TUSC3: variants seen among roughly 807,000 people sequenced by gnomAD.
TUSC3 encodes the protein tumor suppressor candidate 3.
In TUSC3, 45 loss-of-function variants were observed where a neutral mutation model predicts 44.8. That is an observed-to-expected ratio of 1.00 (90% confidence interval 0.79 to 1.29). TUSC3 has a LOEUF of 1.29. Among genes scored for constraint, TUSC3 ranks in the 50% most tolerant of loss-of-function variants. TUSC3 has a pLI of 0.00. For synonymous variants in TUSC3, 212 were observed against 152.9 expected (o/e 1.39, Z -2.85); for missense variants, 519 against 437.9 (o/e 1.19, Z -1.65).
intron 6 of TUSC3, among the ~76,000 whole-genome samples, chr8:15,724,376 T>G (rs1446171153): frequency 6.6e-6 from 1 of 152,116 alleles, no homozygotes; most frequent in African/African-American, 2.4e-5. Flanking sequence ...GATCTGTCAT[T>G]TTATATAGAC....
the TUSC3 span, among the ~76,000 whole-genome samples, chr8:15,813,390 A>AAAC: frequency 0.023 from 250 of 10,772 alleles, 4 homozygotes; most frequent in Middle Eastern, 0.18. Context: ...ACAAACAAAC[A>AAAC]AAAAAAAAAA....
At chr8:15,514,823 C>G (rs2129128576) in intron 2 of TUSC3, among the ~76,000 whole-genome samples, 1 of 152,242 alleles carries the variant, frequency 6.6e-6, no homozygotes, top group East Asian at 1.9e-4. Flanking sequence ...TATGACTCAG[C>G]CACTCGCTAG....
chr8:15,789,468 A>C, the TUSC3 span, among the ~76,000 whole-genome samples: 9 of 152,186 alleles, frequency 5.9e-5, no homozygotes, highest in African/African-American at 2.2e-4. Context: ...GAGACAGCTC[A>C]CAAGATTGAC....
intron 2 of TUSC3, among the ~76,000 whole-genome samples, chr8:15,488,357 C>A (rs1249851289): frequency 6.6e-6 from 1 of 151,694 alleles, no homozygotes; most frequent in African/African-American, 2.4e-5. Context: ...AAATAAATAG[C>A]TGGGTGTAGT....
At chr8:15,704,216 A>G (rs1200871598) in intron 6 of TUSC3, among the ~76,000 whole-genome samples, 3 of 151,398 alleles carry the variant, frequency 2.0e-5, no homozygotes, top group Admixed American at 6.6e-5. Flanking sequence ...AAGATGGAAC[A>G]GCAAGTGCAA....
intron 1 of TUSC3, among the ~76,000 whole-genome samples, chr8:15,445,122 A>G (rs1800076709): frequency 6.6e-6 from 1 of 152,214 alleles, no homozygotes; most frequent in Non-Finnish European, 1.5e-5. Flanking sequence ...AACTGCAAAT[A>G]CATGGGTAGA....
chr8:15,467,653 G>A (rs1037284976), intron 1 of TUSC3, among the ~76,000 whole-genome samples: 3 of 152,060 alleles, frequency 2.0e-5, no homozygotes, highest in Non-Finnish European at 4.4e-5. Context: ...TGTCCATGTG[G>A]CAAACTCCAC....
At chr8:15,844,242 A>G in the TUSC3 span, among the ~76,000 whole-genome samples, 1 of 152,110 alleles carries the variant, frequency 6.6e-6, no homozygotes, top group African/African-American at 2.4e-5. Flanking sequence ...CAGTTAATGG[A>G]GTATGCAGAA....
chr8:15,693,691 C>T (rs1809022202), intron 6 of TUSC3, among the ~76,000 whole-genome samples: 1 of 151,840 alleles, frequency 6.6e-6, no homozygotes, highest in Admixed American at 6.6e-5. Context: ...ATGTTGGCCT[C>T]TCTGGCAAGC....
chr8:15,562,410 T>C (rs1802511193), intron 1 of TUSC3, among the ~76,000 whole-genome samples: 1 of 152,144 alleles, frequency 6.6e-6, no homozygotes, highest in Admixed American at 6.5e-5. Context: ...AGAAATAGGA[T>C]GTAAAGTGTA....
chr8:15,819,369 A>C, the TUSC3 span, among the ~76,000 whole-genome samples: 1 of 123,136 alleles, frequency 8.1e-6, no homozygotes, highest in Non-Finnish European at 1.7e-5. Context: ...CTACTCTTCC[A>C]ATCATCTTGG....
chr8:15,655,197 T>G (rs1397873659), intron 3 of TUSC3, among the ~76,000 whole-genome samples: 1 of 152,120 alleles, frequency 6.6e-6, no homozygotes, highest in African/African-American at 2.4e-5. Flanking sequence ...AAAGGCAGTC[T>G]CCCAGTAAAT....
chr8:15,556,301 A>G (rs540466424), intron 1 of TUSC3, among the ~76,000 whole-genome samples: 16 of 149,214 alleles, frequency 1.1e-4, no homozygotes, highest in African/African-American at 1.7e-4. Context: ...ATGTTTTCCA[A>G]TTTCATCCAT....
rs546440391 is a variant in TUSC3, at chr8:15,509,378, G to A, written n.189+25895G>A. 1.4e-4 allele frequency among the ~76,000 whole-genome samples: 21 copies of A among 152,290 alleles called. No homozygotes were observed. In the South Asian group the frequency reaches 3.9e-3, roughly 29 times the overall value. On this transcript the variant is annotated intron_variant and non_coding_transcript_variant, in intron 2 of 5. Coordinates refer to the TUSC3 transcript ENST00000503191. The stretch of plus-strand genomic sequence containing the variant: ...AATCCGAACGCTTTGGGAGGCCAAG[G>A]CAGGCAAATTGCTTGAGGTCAAGTG...
chr8:15,836,165 G>T, the TUSC3 span, among the ~76,000 whole-genome samples: 1 of 151,016 alleles, frequency 6.6e-6, no homozygotes, highest in Non-Finnish European at 1.5e-5. Flanking sequence ...TTTTCAAAAT[G>T]GTATAATCAC....
At chr8:15,841,565 G>A in the TUSC3 span, among the ~76,000 whole-genome samples, 9 of 151,520 alleles carry the variant, frequency 5.9e-5, no homozygotes, top group Non-Finnish European at 1.0e-4. Context: ...CCAGGCTAGC[G>A]TGCAGTGGCA....
chr8:15,706,775 T>C (rs1809632282), intron 6 of TUSC3, among the ~76,000 whole-genome samples: 2 of 152,022 alleles, frequency 1.3e-5, no homozygotes. Flanking sequence ...GAGCATTTTC[T>C]AAGCACTCTT....
At position 15,430,325 on chromosome 8, in the gene TUSC3, TAAAC is replaced by T. The variant is rs749652162; in HGVS notation, n.91+13024_91+13027del. 8.0e-5 allele frequency among the ~76,000 whole-genome samples: 12 copies of T among 149,564 alleles called. 1 individual carries two copies. The highest frequency in any genetic ancestry group is 1.5e-4 in the Non-Finnish European group (10 of 67,566). Reference sequence around the variant, plus strand: ...CCTGAGAGGCAAGGCTGGTTCAACATAAACAAATCAATAAACGTAATCCAGCGTA... The same window carrying T: ...CCTGAGAGGCAAGGCTGGTTCAACATAAATCAATAAACGTAATCCAGCGTA... On this transcript the variant is annotated intron_variant and non_coding_transcript_variant, in intron 1 of 5. Transcript: ENST00000503191.
chr8:15,829,980 T>C, the TUSC3 span, among the ~76,000 whole-genome samples: 1 of 152,202 alleles, frequency 6.6e-6, no homozygotes, highest in East Asian at 1.9e-4. Context: ...TTTTTAATAA[T>C]AGCCATTCTG....
Sources: allele counts gnomAD v4.1 joint callset (sites outside exome capture counted in the v4.1 genomes callset), GRCh38; gene constraint gnomAD v4.1.1; transcripts MANE v1.5; gene names NCBI Gene and HGNC (gene_info 2026-07-23, HGNC 2026-07-21).